Variants in AHCY observed in about 807,000 individuals in gnomAD.
The protein encoded by AHCY is adenosylhomocysteinase.
In AHCY, 24 loss-of-function variants were observed where a neutral mutation model predicts 45.4. The observed-to-expected ratio is 0.53, with a 90% CI of 0.38 to 0.74. The LOEUF is 0.74. Among genes scored for constraint, AHCY ranks in the 30% least tolerant of loss-of-function variants. The pLI is 0.00. For missense variants in AHCY, 449 were observed against 594.1 expected (o/e 0.76, Z 2.54); for synonymous variants, 245 against 235.1 (o/e 1.04, Z -0.39).
At chr20:34,246,513 C>T in the AHCY span, 2 of 1,235,642 alleles carry the variant, frequency 1.6e-6, no homozygotes, top group South Asian at 1.2e-5. Flanking sequence ...TTGCAATCAG[C>T]CCCACTGGAT....
At chr20:34,291,604 C>G (rs1175930772) in intron 4 of AHCY, 73 bp from the exon 5 acceptor site, 1 of 1,344,364 alleles carries the variant, frequency 7.4e-7, no homozygotes, top group Non-Finnish European at 1.1e-6. Flanking sequence ...ATCTTTACCC[C>G]CTAAAGCCAT....
chr20:34,272,407 A>G, the AHCY span, among the ~76,000 whole-genome samples: 1 of 152,174 alleles, frequency 6.6e-6, no homozygotes, highest in South Asian at 2.1e-4. Flanking sequence ...CTCCAATTCA[A>G]TTCCAACACT....
At chr20:34,274,968 GGT>G in the AHCY span, among the ~76,000 whole-genome samples, 1 of 151,892 alleles carries the variant, frequency 6.6e-6, no homozygotes, top group South Asian at 2.1e-4. Flanking sequence ...AGAGTCAGGT[GGT>G]ACAAATTCCT....
chr20:34,262,067 C>T, the AHCY span, among the ~76,000 whole-genome samples: 1 of 151,486 alleles, frequency 6.6e-6, no homozygotes, highest in Non-Finnish European at 1.5e-5. Context: ...GAGCCGAGAT[C>T]GCACCACTGT....
intron 2 of AHCY, among the ~76,000 whole-genome samples, chr20:34,294,722 G>C (rs1262683611): frequency 2.0e-5 from 3 of 152,174 alleles, no homozygotes; most frequent in East Asian, 1.9e-4. Flanking sequence ...ATGAGTACTA[G>C]ACCTCCAGGG....
chr20:34,265,734 T>G, the AHCY span, among the ~76,000 whole-genome samples: 1,673 of 150,410 alleles, frequency 0.011, 33 homozygotes, highest in African/African-American at 0.039. Flanking sequence ...TGGATCACCT[T>G]AGGTCAGGAA....
At chr20:34,251,877 T>A in the AHCY span, among the ~76,000 whole-genome samples, 3 of 152,174 alleles carry the variant, frequency 2.0e-5, no homozygotes, top group South Asian at 2.1e-4. Flanking sequence ...AGATATCGAA[T>A]CTGCCTGCAC....
intron 1 of AHCY, chr20:34,302,081 A>G: frequency 1.4e-6 from 1 of 722,220 alleles, no homozygotes; most frequent in Non-Finnish European, 1.7e-6. Flanking sequence ...GCTCACTGCA[A>G]CCTCCGTCTC....
the AHCY span, among the ~76,000 whole-genome samples, chr20:34,245,189 C>T: frequency 3.3e-5 from 5 of 151,408 alleles, no homozygotes; most frequent in Non-Finnish European, 7.4e-5. Flanking sequence ...CAAAAATTAG[C>T]TGGGCGTGGT....
chr20:34,280,515 T>C lies in AHCY; in HGVS notation c.*519A>G, dbSNP rs2035966462. On this transcript the variant is annotated 3_prime_UTR_variant, in exon 10 of 10. Transcript: ENST00000217426. ...ACCCCTGTAAAACAGGGACTAAAAG[T>C]ACTAACCTCATTGTAATGAGGTTTA... 5.1e-6 allele frequency: 1 copy of C among 197,760 alleles called. No individual in the cohort carries two copies. The highest frequency in any genetic ancestry group is 5.3e-5 in the Admixed American group (1 of 18,958). The allele number at this position is 197,760 out of a possible 1,614,324, so 12.3% of individuals were successfully genotyped here. A position where few individuals can be genotyped will look rare whatever the true frequency, so the allele number is the denominator to read the frequency against.
At chr20:34,261,901 T>TCAAGA in the AHCY span, among the ~76,000 whole-genome samples, 1 of 151,960 alleles carries the variant, frequency 6.6e-6, no homozygotes, top group African/African-American at 2.4e-5. Flanking sequence ...TCACCTGAGG[T>TCAAGA]CAAGAGTTTG....
the AHCY span, among the ~76,000 whole-genome samples, chr20:34,258,685 A>ATATATATATATATATATG: frequency 5.0e-3 from 372 of 74,466 alleles, 50 homozygotes; most frequent in African/African-American, 0.031. Flanking sequence ...ATATATATAT[A>ATATATATATATATATATG]TATATACATA....
At chr20:34,260,386 C>T in the AHCY span, 1 of 1,613,532 alleles carries the variant, frequency 6.2e-7, no homozygotes, top group African/African-American at 1.3e-5. Context: ...TGGATGTCAC[C>T]CGCTTACTCC....
chr20:34,288,080 T>A (rs2036246070), intron 8 of AHCY, among the ~76,000 whole-genome samples: 2 of 152,108 alleles, frequency 1.3e-5, no homozygotes, highest in African/African-American at 2.4e-5. Flanking sequence ...CTGTGATGAG[T>A]GCCAGGCCTT....
the AHCY span, among the ~76,000 whole-genome samples, chr20:34,267,840 A>AT: frequency 4.6e-3 from 564 of 122,748 alleles, 14 homozygotes; most frequent in Admixed American, 0.047. Context: ...TGATAACCAT[A>AT]TTTAAAAAAA....
At chr20:34,308,406 C>T (rs562506628) in intron 1 of AHCY, among the ~76,000 whole-genome samples, 5 of 151,996 alleles carry the variant, frequency 3.3e-5, no homozygotes, top group African/African-American at 4.8e-5. Context: ...CAAAATTAGC[C>T]GGGCATGGTG....
intron 1 of AHCY, among the ~76,000 whole-genome samples, chr20:34,300,711 G>T (rs1363840787): frequency 6.6e-6 from 1 of 152,190 alleles, no homozygotes; most frequent in East Asian, 1.9e-4. Flanking sequence ...AGTGAAGTGG[G>T]GAACCTACAG....
intron 9 of AHCY, among the ~76,000 whole-genome samples, chr20:34,284,299 A>G (rs945639470): frequency 2.0e-5 from 3 of 152,128 alleles, no homozygotes; most frequent in Non-Finnish European, 4.4e-5. Context: ...ACCTGGGACT[A>G]CAGGCATGCG....
chr20:34,298,880 T>C (rs1476443725), intron 1 of AHCY, among the ~76,000 whole-genome samples: 1 of 152,114 alleles, frequency 6.6e-6, no homozygotes, highest in African/African-American at 2.4e-5. Context: ...GCTGTCTTTC[T>C]CTCTGTCTCC....
Sources: allele counts gnomAD v4.1 joint callset (sites outside exome capture counted in the v4.1 genomes callset), GRCh38; gene constraint gnomAD v4.1.1; transcripts MANE v1.5; gene names NCBI Gene and HGNC (gene_info 2026-07-23, HGNC 2026-07-21).